Variants in MEGF6 observed in about 807,000 individuals in gnomAD.
The protein encoded by MEGF6 is multiple EGF like domains 6.
A neutral mutation model predicts 207.1 loss-of-function variants in MEGF6; 184 were observed. The observed-to-expected ratio is 0.89, with a 90% CI of 0.79 to 1.00. The LOEUF (loss-of-function observed/expected upper bound fraction) is 1.00. Among genes scored for constraint, MEGF6 ranks in the 50% least tolerant of loss-of-function variants. The pLI, the probability that MEGF6 is intolerant of heterozygous loss-of-function variation, is 0.00. For missense variants in MEGF6, 2,282 were observed against 2,202.9 expected, an observed-to-expected ratio of 1.04 and a Z score of -0.72; for synonymous variants, 1,038 against 910.0, an observed-to-expected ratio of 1.14 and a Z score of -2.53.
At chr1:3,584,098 T>C (rs1643864077) in intron 3 of MEGF6, among the ~76,000 whole-genome samples, 1 of 152,236 alleles carries the variant, frequency 6.6e-6, no homozygotes, top group Non-Finnish European at 1.5e-5. Flanking sequence ...GACCTAAGGC[T>C]GGGAGGGCCC....
At chr1:3,581,108 C>T (rs1643786950) in intron 3 of MEGF6, among the ~76,000 whole-genome samples, 1 of 152,168 alleles carries the variant, frequency 6.6e-6, no homozygotes, top group African/African-American at 2.4e-5. Flanking sequence ...GCCTGGACCA[C>T]AGAGTGAGCC....
At position 3,494,066 on chromosome 1, in the gene MEGF6, T is replaced by A. The variant is rs754979582; in HGVS notation, c.4188A>T (p.Gly1396=). 8 of 1,604,970 alleles carry A rather than the reference T, an allele frequency of 5.0e-6. No homozygotes were observed. The highest frequency in any genetic ancestry group is 6.8e-6 in the Non-Finnish European group (8 of 1,175,806). Residue 1396 remains glycine (G), a synonymous_variant, in exon 33 of 37, where the codon GGA becomes GGT. Transcript: ENST00000356575. ...GCQGLCWCQH[G]APCDPISGRC... ...GGCCACTGATGGGGTCGCAGGGGGC[T>A]CCATGTTGACACCAGCACAACCCCT...
chr1:3,578,690 C>T (rs74048641), intron 4 of MEGF6, among the ~76,000 whole-genome samples: 5,050 of 144,428 alleles, frequency 0.035, 378 homozygotes, highest in African/African-American at 0.12. Context: ...ATTCAATAAA[C>T]CCTCCAGCAC....
rs201989476 is a variant in MEGF6, at chr1:3,501,178, G to A, written c.2445C>T (p.Asp815=). ...LPGFVGSRCQ[D]VCPAGWYGPS... The stretch of plus-strand genomic sequence containing the variant: ...CAGGGGCAGCTCCAGCTCACTCACC[G>A]TCCTGGCAGCGGCTGCCGACGAAGC... Residue 815 remains aspartate, a splice_region_variant and synonymous_variant, in exon 19 of 37, where the codon GAC becomes GAT. Coordinates refer to ENST00000356575, the MANE Select transcript of MEGF6 (RefSeq NM_001409.4). 93 of 1,612,310 alleles carry A rather than the reference G, an allele frequency of 5.8e-5. No individual in the cohort carries two copies. The highest frequency in any genetic ancestry group is 7.5e-5 in the Non-Finnish European group (88 of 1,179,852).
At chr1:3,539,126 C>T (rs1027174652) in intron 4 of MEGF6, among the ~76,000 whole-genome samples, 8 of 152,058 alleles carry the variant, frequency 5.3e-5, no homozygotes, top group Non-Finnish European at 1.0e-4. Flanking sequence ...AGGCCTGGGC[C>T]GAATCCAGTG....
chr1:3,511,318 G>A (rs1230168977), intron 9 of MEGF6, among the ~76,000 whole-genome samples: 1 of 152,174 alleles, frequency 6.6e-6, no homozygotes, highest in Admixed American at 6.5e-5. Flanking sequence ...AGGGGGTGCC[G>A]TGAACATGGG....
At chr1:3,504,269 T>C (rs1641021269) in intron 17 of MEGF6, among the ~76,000 whole-genome samples, 1 of 152,160 alleles carries the variant, frequency 6.6e-6, no homozygotes, top group African/African-American at 2.4e-5. Flanking sequence ...GCGTGCGCCA[T>C]GCCAAGGGAG....
chr1:3,498,427 G>A lies in MEGF6; in HGVS notation c.3296C>T (p.Pro1099Leu), dbSNP rs549779573. Residue 1099 changes from proline to leucine, a missense_variant, in exon 26 of 37, where the codon CCG (proline) becomes CTG (leucine). Coordinates refer to ENST00000356575, the MANE Select transcript of MEGF6 (RefSeq NM_001409.4). ...GGCLNGGLCDPHTGRCLCPAG... is the reference protein window; with the variant it reads ...GGCLNGGLCDLHTGRCLCPAG... ...TGGGCAGAGGCAGCGGCCCGTGTGC[G>A]GGTCACACAGGCCCCCGTTGAGGCA... is the stretch of plus-strand genomic sequence containing the variant. 52 of 1,585,596 alleles carry A rather than the reference G, an allele frequency of 3.3e-5. No individual in the cohort carries two copies. In the East Asian group the frequency reaches 5.1e-4, roughly 15 times the overall value.
chr1:3,543,479 G>C (rs116160116), intron 4 of MEGF6, among the ~76,000 whole-genome samples: 3,194 of 152,356 alleles, frequency 0.021, 110 homozygotes, highest in African/African-American at 0.072. Flanking sequence ...AAACACAGCA[G>C]GCTCCTGGCC....
intron 1 of MEGF6, among the ~76,000 whole-genome samples, chr1:3,607,818 T>C (rs1338823211): frequency 1.3e-5 from 2 of 152,190 alleles, no homozygotes; most frequent in Non-Finnish European, 2.9e-5. Flanking sequence ...TGGTGGGCCA[T>C]CTGCTCCCGA....
At chr1:3,514,411 C>T (rs946779774) in intron 7 of MEGF6, 139 bp downstream of exon 7, 1 of 1,128,710 alleles carries the variant, frequency 8.9e-7, no homozygotes, top group Non-Finnish European at 1.2e-6. Context: ...CGCCACATCC[C>T]AGGTCACCCA....
chr1:3,491,359 T>G (rs1569913499), intron 35 of MEGF6, among the ~76,000 whole-genome samples: 1 of 151,868 alleles, frequency 6.6e-6, no homozygotes, highest in East Asian at 2.0e-4. Flanking sequence ...CCAGCGCAGG[T>G]GCCGGCAGCC....
chr1:3,577,875 C>T (rs1458403891), intron 4 of MEGF6, among the ~76,000 whole-genome samples: 1 of 152,240 alleles, frequency 6.6e-6, no homozygotes, highest in African/African-American at 2.4e-5. Flanking sequence ...GCCCTCGCCC[C>T]ACGCTGGACA....
rs572746696 is a variant in MEGF6, at chr1:3,498,435, C to A, written c.3288G>T (p.Leu1096=). The A allele has an allele frequency of 1.1e-4, 171 of 1,582,032 alleles. 2 individuals are homozygous for A. In the South Asian group the frequency reaches 1.8e-3, roughly 17 times the overall value. The change falls in exon 26 of 37, where the codon CTG becomes CTT. Residue 1096 remains leucine (L), a synonymous_variant. Transcript: ENST00000356575. ...RHSGGCLNGG[L]CDPHTGRCLC... ...GGCAGCGGCCCGTGTGCGGGTCACA[C>A]AGGCCCCCGTTGAGGCAACCGCCGC...
intron 3 of MEGF6, among the ~76,000 whole-genome samples, chr1:3,586,019 TGTGG>T (rs1643889722): frequency 6.7e-6 from 1 of 149,176 alleles, no homozygotes; most frequent in Admixed American, 6.6e-5. Flanking sequence ...ATGTCCTGTG[TGTGG>T]GTGTGTGGAC....
In MEGF6 at chr1:3,490,605, A is replaced by G; in HGVS notation, c.4565-16T>C. The stretch of plus-strand genomic sequence containing the variant: ...AGTGTGCCCGCTGGGGAAAAGGAGA[A>G]AAGAGGGCCAGTCCAGGGTGGGGCG... On this transcript the variant is annotated splice_polypyrimidine_tract_variant and intron_variant, in intron 36 of 36. Transcript: ENST00000356575. 2.5e-6 allele frequency: 4 copies of G among 1,612,238 alleles called. No individual in the cohort carries two copies. Among genetic ancestry groups the G allele is most frequent in the Non-Finnish European group, 3.4e-6 (4 of 1,179,542 alleles).
intron 4 of MEGF6, among the ~76,000 whole-genome samples, chr1:3,549,414 G>T (rs768871855): frequency 6.6e-6 from 1 of 152,176 alleles, no homozygotes; most frequent in Admixed American, 6.5e-5. Flanking sequence ...AGCAGGTGAC[G>T]GCTCCTCCCC....
chr1:3,508,755 G>A (rs1332863432), intron 12 of MEGF6, 66 bp from the exon 13 acceptor site: 6 of 1,577,566 alleles, frequency 3.8e-6, no homozygotes, highest in Non-Finnish European at 5.2e-6. Context: ...ACAGAGGCCC[G>A]GCTCAGACCC....
intron 4 of MEGF6, among the ~76,000 whole-genome samples, chr1:3,534,801 C>T (rs1642276916): frequency 6.6e-6 from 1 of 152,154 alleles, no homozygotes; most frequent in Non-Finnish European, 1.5e-5. Context: ...GGAGCCCTGG[C>T]CCTCTCCCTT....
Sources: allele counts gnomAD v4.1 joint callset (sites outside exome capture counted in the v4.1 genomes callset), GRCh38; gene constraint gnomAD v4.1.1; transcripts MANE v1.5; gene names NCBI Gene and HGNC (gene_info 2026-07-23, HGNC 2026-07-21).